The following PLEKHA5 variants were observed in gnomAD, a reference collection of about 807,000 sequenced individuals.
PLEKHA5 encodes pleckstrin homology domain-containing family A member 5.
PLEKHA5 carries 55 observed loss-of-function variants against 181.9 expected under a neutral mutation model. That is an observed-to-expected ratio of 0.30 (90% CI 0.24 to 0.38). The LOEUF (loss-of-function observed/expected upper bound fraction) is 0.38, where lower values mean the gene tolerates loss of function less well. Among genes scored for constraint, PLEKHA5 ranks in the 10% least tolerant of loss-of-function variants. The pLI is 1.00. For missense variants in PLEKHA5, 1,432 were observed against 1,549.5 expected, an observed-to-expected ratio of 0.92 and a Z score of 1.27; for synonymous variants, 535 against 529.4, an observed-to-expected ratio of 1.01 and a Z score of -0.15.
intron 20 of PLEKHA5, among the ~76,000 whole-genome samples, chr12:19,327,194 T>G (rs2092255995): frequency 6.6e-6 from 1 of 151,928 alleles, no homozygotes; most frequent in Non-Finnish European, 1.5e-5. Flanking sequence ...ATATCTCCAC[T>G]CACTGTGTAT....
At chr12:19,324,505 T>C (rs771576479) in intron 20 of PLEKHA5, among the ~76,000 whole-genome samples, 2 of 152,144 alleles carry the variant, frequency 1.3e-5, no homozygotes, top group Non-Finnish European at 2.9e-5. Flanking sequence ...ATAAATAATA[T>C]ACCTAAAACT....
intron 3 of PLEKHA5, among the ~76,000 whole-genome samples, chr12:19,143,492 T>C (rs931964482): frequency 2.0e-5 from 3 of 152,162 alleles, no homozygotes; most frequent in African/African-American, 7.2e-5. Flanking sequence ...ATAAAAATCA[T>C]TCACAGTCCT....
chr12:19,175,876 A>G (rs1284036335), intron 3 of PLEKHA5, among the ~76,000 whole-genome samples: 1 of 152,224 alleles, frequency 6.6e-6, no homozygotes, highest in Non-Finnish European at 1.5e-5. Context: ...ATTAAAGTAT[A>G]TTGGGAGTCA....
chr12:19,200,333 A>T (rs1191193151), intron 3 of PLEKHA5: 2 of 1,529,804 alleles, frequency 1.3e-6, no homozygotes, highest in Non-Finnish European at 8.8e-7. Context: ...AGCTGAATAG[A>T]TTTCCTTTTC....
rs1171107694 is a variant in PLEKHA5, at chr12:19,314,382, AT to A, written c.2038-426del. Among the ~76,000 whole-genome samples, 3 of 152,130 alleles carry A rather than the reference AT, an allele frequency of 2.0e-5. No individual in the cohort carries two copies. In the East Asian group the frequency reaches 5.8e-4, roughly 29 times the overall value. On this transcript the variant is annotated intron_variant, in intron 15 of 31. Transcript: ENST00000429027. ...ATATTTTAATACTTGTAGAGAACTA[AT>A]TTTTTATAACCTTACACAGAACTGA...
chr12:19,334,109 C>G (rs1293811949), intron 20 of PLEKHA5, among the ~76,000 whole-genome samples: 1 of 152,118 alleles, frequency 6.6e-6, no homozygotes, highest in African/African-American at 2.4e-5. Context: ...CTCATATAAT[C>G]TAGTAAATTC....
chr12:19,361,560 A>C (rs1486639273), intron 28 of PLEKHA5, 22 bp from the exon 29 acceptor site: 2 of 1,228,218 alleles, frequency 1.6e-6, no homozygotes, highest in South Asian at 1.3e-5. Context: ...TTGAAAAGAA[A>C]ATTTTTCTTT....
At chr12:19,290,312 A>T (rs2078134758) in intron 13 of PLEKHA5, among the ~76,000 whole-genome samples, 2 of 152,316 alleles carry the variant, frequency 1.3e-5, no homozygotes, top group South Asian at 2.1e-4. Flanking sequence ...GAAAAGGTGT[A>T]ATTTTTTTAG....
At chr12:19,220,400 G>GTT (rs2058757105) in intron 3 of PLEKHA5, among the ~76,000 whole-genome samples, 6 of 152,044 alleles carry the variant, frequency 3.9e-5, no homozygotes, top group African/African-American at 1.4e-4. Flanking sequence ...GCGTCATTAA[G>GTT]TTTGACAGAG....
chr12:19,357,069 G>GA (rs1030082384), intron 26 of PLEKHA5, among the ~76,000 whole-genome samples: 2 of 152,038 alleles, frequency 1.3e-5, no homozygotes, highest in African/African-American at 2.4e-5. Context: ...CACGGTAAAT[G>GA]TATAACTTAA....
intron 10 of PLEKHA5, among the ~76,000 whole-genome samples, chr12:19,272,453 T>C (rs540651206): frequency 1.3e-5 from 2 of 152,118 alleles, no homozygotes; most frequent in African/African-American, 2.4e-5. Flanking sequence ...AAATAATAGC[T>C]TTAGGCTGAG....
chr12:19,372,405 T>C (rs2095606431), intron 31 of PLEKHA5: 1 of 151,794 alleles, frequency 6.6e-6, no homozygotes, highest in Non-Finnish European at 1.5e-5. Context: ...GTTTTTGTTT[T>C]TTTTTTCTTG....
intron 28 of PLEKHA5, 58 bp downstream of exon 28, chr12:19,359,604 C>T: frequency 5.4e-6 from 8 of 1,474,026 alleles, no homozygotes; most frequent in Non-Finnish European, 6.6e-6. Flanking sequence ...AAGATTAAAT[C>T]AAGTGGTAAG....
At chr12:19,143,728 T>G (rs900883235) in intron 3 of PLEKHA5, among the ~76,000 whole-genome samples, 1 of 152,170 alleles carries the variant, frequency 6.6e-6, no homozygotes, top group Non-Finnish European at 1.5e-5. Flanking sequence ...GATTTGAGTC[T>G]TATTGCTATT....
intron 3 of PLEKHA5, among the ~76,000 whole-genome samples, chr12:19,212,192 G>A (rs1465404459): frequency 2.0e-5 from 3 of 152,192 alleles, no homozygotes; most frequent in African/African-American, 4.8e-5. Context: ...TTGGGATCAC[G>A]TGGAATAATC....
chr12:19,361,265 C>T (rs1452944470), intron 28 of PLEKHA5, among the ~76,000 whole-genome samples: 1 of 152,194 alleles, frequency 6.6e-6, no homozygotes, highest in Non-Finnish European at 1.5e-5. Flanking sequence ...TCACTGCATG[C>T]TCCACCTGCC....
chr12:19,362,996 G>A (rs2095305197), intron 29 of PLEKHA5, among the ~76,000 whole-genome samples: 1 of 152,030 alleles, frequency 6.6e-6, no homozygotes, highest in African/African-American at 2.4e-5. Flanking sequence ...TTTGCTATCT[G>A]TGGGGGGGCC....
intron 3 of PLEKHA5, among the ~76,000 whole-genome samples, chr12:19,138,407 T>C (rs533079765): frequency 3.3e-5 from 5 of 151,786 alleles, no homozygotes; most frequent in Non-Finnish European, 7.4e-5. Context: ...ACCCTGTCTC[T>C]ACTAAAAATA....
intron 3 of PLEKHA5, among the ~76,000 whole-genome samples, chr12:19,141,439 A>C (rs1399976364): frequency 6.6e-6 from 1 of 152,174 alleles, no homozygotes; most frequent in Non-Finnish European, 1.5e-5. Context: ...GTTAGAGAGG[A>C]AGGCCCAGTT....
Sources: gnomAD v4.1 joint callset for allele counts (sites outside exome capture counted in the v4.1 genomes callset) on GRCh38, gnomAD v4.1.1 for gene constraint, MANE v1.5 for transcripts, NCBI Gene and HGNC (gene_info 2026-07-23, HGNC 2026-07-21) for gene names.